The following CSMD1 variants were observed in gnomAD, a reference collection of about 807,000 sequenced individuals.
CSMD1 encodes CUB and Sushi multiple domains 1.
A neutral mutation model predicts 417.5 loss-of-function variants in CSMD1; 213 were observed. The observed-to-expected ratio is 0.51, with a 90% confidence interval of 0.46 to 0.57. CSMD1 has a LOEUF of 0.57. Among genes scored for constraint, CSMD1 ranks in the 20% least tolerant of loss-of-function variants. CSMD1 has a pLI of 0.00. For missense variants in CSMD1, 6,923 were observed against 4,529.7 expected, an observed-to-expected ratio of 1.53 and a Z score of -15.17; for synonymous variants, 2,862 against 1,736.8, an observed-to-expected ratio of 1.65 and a Z score of -16.11.
In CSMD1 at chr8:4,446,751, G is replaced by GTC. The variant is rs1297247597; in HGVS notation, c.303-26687_303-26686insGA. Among the ~76,000 whole-genome samples, 230 of 103,268 alleles carry GTC rather than the reference G, an allele frequency of 2.2e-3. 1 individual carries two copies. The highest frequency in any genetic ancestry group is 9.6e-3 in the African/African-American group (214 of 22,328). The allele number at this position is 103,268 out of a possible 152,430, so 67.7% of individuals were successfully genotyped here. ...TGTGTGTCTGTGTGTGTGTGTGTGTGTGTCTGTGTGTGTGTGTGTGTGTGT... is the reference window on the plus strand; with the variant it reads ...TGTGTGTCTGTGTGTGTGTGTGTGTGTCTGTCTGTGTGTGTGTGTGTGTGTGT... On this transcript the variant is annotated intron_variant, in intron 2 of 69. Transcript: ENST00000635120.
At chr8:4,401,186 A>G (rs1052238288) in intron 3 of CSMD1, among the ~76,000 whole-genome samples, 1 of 152,198 alleles carries the variant, frequency 6.6e-6, no homozygotes, top group East Asian at 1.9e-4. Flanking sequence ...CCAAATTAAG[A>G]GAAAAACTCT....
At chr8:3,179,430 C>T (rs945893899) in intron 37 of CSMD1, among the ~76,000 whole-genome samples, 2 of 152,026 alleles carry the variant, frequency 1.3e-5, no homozygotes, top group Non-Finnish European at 2.9e-5. Flanking sequence ...AATAATTAAA[C>T]AAAAGCTTGG....
intron 1 of CSMD1, among the ~76,000 whole-genome samples, chr8:4,867,647 G>A (rs1331248436): frequency 6.6e-6 from 1 of 151,984 alleles, no homozygotes; most frequent in African/African-American, 2.4e-5. Context: ...ATGCCAGATT[G>A]GAAATAGAAT....
chr8:3,228,878 G>C (rs868367022), intron 27 of CSMD1, among the ~76,000 whole-genome samples: 2 of 151,768 alleles, frequency 1.3e-5, no homozygotes, highest in Admixed American at 6.6e-5. Flanking sequence ...AAAGAAACAC[G>C]CCGAAATCTC....
intron 25 of CSMD1, among the ~76,000 whole-genome samples, chr8:3,289,412 C>G (rs1277391123): frequency 6.8e-6 from 1 of 147,266 alleles, no homozygotes; most frequent in Non-Finnish European, 1.5e-5. Context: ...ACTGACTTCA[C>G]AATGGTTGAA....
intron 52 of CSMD1, among the ~76,000 whole-genome samples, chr8:3,013,457 CA>C (rs1488585988): frequency 2.0e-5 from 3 of 152,110 alleles, no homozygotes; most frequent in Admixed American, 2.0e-4. Flanking sequence ...AGAGTAATAT[CA>C]AAAATTTTCC....
chr8:4,693,095 G>A (rs537054294), intron 1 of CSMD1, among the ~76,000 whole-genome samples: 27 of 152,226 alleles, frequency 1.8e-4, no homozygotes, highest in Admixed American at 2.6e-4. Context: ...ACATCCTCTC[G>A]GAAGTTCCCA....
chr8:4,127,196 G>A (rs1802814670), intron 3 of CSMD1, among the ~76,000 whole-genome samples: 1 of 152,026 alleles, frequency 6.6e-6, no homozygotes, highest in African/African-American at 2.4e-5. Context: ...CCCTGGAGGT[G>A]GCTGTCCGGC....
In CSMD1 at chr8:3,412,896, G is replaced by A. The variant is rs565545858; in HGVS notation, c.1562-3291C>T. Among the ~76,000 whole-genome samples the A allele has an allele frequency of 4.6e-5, 7 of 152,310 alleles. No individual in the cohort carries two copies. In the East Asian group the frequency reaches 1.4e-3, roughly 29 times the overall value. On this transcript the variant is annotated intron_variant, in intron 12 of 69. Transcript: ENST00000635120. ...GCTGCATGGTTTATAATAGAAAAGA[G>A]CTCTTGTTTGTTGTGGGCTCTCCAT...
intron 1 of CSMD1, among the ~76,000 whole-genome samples, chr8:4,668,419 A>ATTGTTG (rs1158031096): frequency 1.1e-5 from 1 of 89,556 alleles, no homozygotes; most frequent in African/African-American, 4.9e-5. Context: ...GTTTTCCATT[A>ATTGTTG]TTATTATTAT....
chr8:4,426,705 G>A (rs1154051), intron 2 of CSMD1, among the ~76,000 whole-genome samples: 122,020 of 146,526 alleles, frequency 0.83, 51,155 homozygotes, highest in African/African-American at 0.9. Flanking sequence ...ATTATATAAT[G>A]CAGTAATATT....
chr8:4,651,942 G>A (rs902997643), intron 1 of CSMD1, among the ~76,000 whole-genome samples: 5 of 152,170 alleles, frequency 3.3e-5, no homozygotes, highest in Non-Finnish European at 5.9e-5. Context: ...CTGATAGGGA[G>A]AACTTTAACT....
chr8:2,951,520 A>G (rs759490415), intron 65 of CSMD1, among the ~76,000 whole-genome samples: 1 of 152,192 alleles, frequency 6.6e-6, no homozygotes, highest in Non-Finnish European at 1.5e-5. Flanking sequence ...TTATTATTAG[A>G]AGCCAAAGCA....
At chr8:3,853,877 T>G (rs1460616345) in intron 5 of CSMD1, among the ~76,000 whole-genome samples, 1 of 146,772 alleles carries the variant, frequency 6.8e-6, no homozygotes, top group Non-Finnish European at 1.5e-5. Flanking sequence ...TATACTTTAA[T>G]ATATTAATAT....
chr8:4,569,077 C>G (rs769263327), intron 2 of CSMD1, among the ~76,000 whole-genome samples: 2 of 149,916 alleles, frequency 1.3e-5, no homozygotes, highest in African/African-American at 2.4e-5. Flanking sequence ...TGCCTGTTCA[C>G]TGTTCACTGT....
intron 7 of CSMD1, among the ~76,000 whole-genome samples, chr8:3,657,139 G>C (rs1798150895): frequency 1.3e-5 from 2 of 152,080 alleles, no homozygotes; most frequent in Admixed American, 6.6e-5. Flanking sequence ...TCTGTCCCTA[G>C]CATTTGGCTA....
At chr8:4,160,486 C>T (rs546496006) in intron 3 of CSMD1, among the ~76,000 whole-genome samples, 7 of 152,182 alleles carry the variant, frequency 4.6e-5, no homozygotes, top group East Asian at 3.9e-4. Flanking sequence ...TCATGAGGTC[C>T]GAACATCGGT....
chr8:4,614,681 G>C (rs1356181501), intron 2 of CSMD1, among the ~76,000 whole-genome samples: 1 of 151,910 alleles, frequency 6.6e-6, no homozygotes, highest in Non-Finnish European at 1.5e-5. Context: ...ACACACACTG[G>C]ATGCACGAAT....
At chr8:3,654,817 G>T (rs542308903) in intron 7 of CSMD1, among the ~76,000 whole-genome samples, 7 of 152,058 alleles carry the variant, frequency 4.6e-5, no homozygotes, top group Non-Finnish European at 5.9e-5. Flanking sequence ...CTACCATGGC[G>T]CCCAGGATCC....
Sources: gnomAD v4.1 joint callset for allele counts (sites outside exome capture counted in the v4.1 genomes callset) on GRCh38, gnomAD v4.1.1 for gene constraint, MANE v1.5 for transcripts, NCBI Gene and HGNC (gene_info 2026-07-23, HGNC 2026-07-21) for gene names.